NDUFAF2: variants seen among roughly 807,000 people sequenced by gnomAD.
NDUFAF2 encodes NADH dehydrogenase [ubiquinone] 1 alpha subcomplex assembly factor 2.
NDUFAF2 carries 13 observed loss-of-function variants against 22.8 expected under a neutral mutation model. That is an observed-to-expected ratio of 0.57 (90% CI 0.37 to 0.91). The LOEUF (loss-of-function observed/expected upper bound fraction) is 0.91, where lower values mean the gene tolerates loss of function less well. Ranked by LOEUF, NDUFAF2 falls within the 40% of genes least tolerant of loss-of-function variation. NDUFAF2 has a pLI of 0.01. For missense variants in NDUFAF2, 162 were observed against 195.2 expected, an observed-to-expected ratio of 0.83 and a Z score of 1.01; for synonymous variants, 53 against 64.2, an observed-to-expected ratio of 0.83 and a Z score of 0.84.
intron 2 of NDUFAF2, among the ~76,000 whole-genome samples, chr5:61,073,778 A>T (rs143803859): frequency 6.6e-6 from 1 of 152,334 alleles, no homozygotes; most frequent in Non-Finnish European, 1.5e-5. Context: ...AAACAGCAGC[A>T]GTTGGTCTCT....
At chr5:61,033,749 G>A (rs1477643834) in intron 1 of NDUFAF2, among the ~76,000 whole-genome samples, 1 of 151,948 alleles carries the variant, frequency 6.6e-6, no homozygotes, top group Non-Finnish European at 1.5e-5. Flanking sequence ...GTCCGAACAG[G>A]GATAAACCGA....
chr5:61,056,650 T>C (rs532156274), intron 1 of NDUFAF2, among the ~76,000 whole-genome samples: 1 of 151,760 alleles, frequency 6.6e-6, no homozygotes, highest in South Asian at 2.1e-4. Context: ...CACTTTGGGA[T>C]GCCAAAGCAA....
chr5:61,060,804 T>G (rs1752155768), intron 1 of NDUFAF2, among the ~76,000 whole-genome samples: 1 of 152,160 alleles, frequency 6.6e-6, no homozygotes, highest in Non-Finnish European at 1.5e-5. Context: ...TTATATATGC[T>G]TGTGGGTTAC....
At chr5:61,113,002 A>G (rs756810645) in intron 3 of NDUFAF2, among the ~76,000 whole-genome samples, 2 of 151,936 alleles carry the variant, frequency 1.3e-5, no homozygotes, top group Non-Finnish European at 2.9e-5. Context: ...CACTGATTGC[A>G]TAAACAAACA....
At chr5:60,968,822 G>A (rs1750791003) in intron 1 of NDUFAF2, among the ~76,000 whole-genome samples, 1 of 151,128 alleles carries the variant, frequency 6.6e-6, no homozygotes, top group East Asian at 1.9e-4. Flanking sequence ...TATTTTTTTT[G>A]TACCACTTAA....
intron 1 of NDUFAF2, among the ~76,000 whole-genome samples, chr5:61,055,961 T>C (rs1752081832): frequency 6.6e-6 from 1 of 152,162 alleles, no homozygotes; most frequent in African/African-American, 2.4e-5. Flanking sequence ...TACATAATGC[T>C]CAATAAATAT....
chr5:61,022,079 A>G (rs943559387), intron 1 of NDUFAF2, among the ~76,000 whole-genome samples: 1 of 152,188 alleles, frequency 6.6e-6, no homozygotes, highest in South Asian at 2.1e-4. Context: ...GCTTTACTCA[A>G]AGTCTACTAA....
intron 1 of NDUFAF2, among the ~76,000 whole-genome samples, chr5:60,984,267 A>G (rs1333059784): frequency 2.6e-5 from 4 of 152,292 alleles, no homozygotes; most frequent in Admixed American, 6.5e-5. Flanking sequence ...GACTTTGCTG[A>G]AGTTGCCTAT....
intron 1 of NDUFAF2, among the ~76,000 whole-genome samples, chr5:61,018,937 A>AAAAAATTGTTTCC (rs1381309834): frequency 6.6e-6 from 1 of 152,128 alleles, no homozygotes; most frequent in African/African-American, 2.4e-5. Flanking sequence ...GTTTCCAAAT[A>AAAAAATTGTTTCC]AAATATCAAT....
chr5:61,084,307 G>A (rs1281916663), intron 2 of NDUFAF2, among the ~76,000 whole-genome samples: 1 of 150,572 alleles, frequency 6.6e-6, no homozygotes, highest in Non-Finnish European at 1.5e-5. Context: ...TTTCATTGTG[G>A]TAAAGTATAC....
intron 1 of NDUFAF2, among the ~76,000 whole-genome samples, chr5:61,021,135 T>TG (rs1246614848): frequency 6.6e-6 from 1 of 152,142 alleles, no homozygotes; most frequent in Non-Finnish European, 1.5e-5. Context: ...CAGAAATTAC[T>TG]GCAAATTTAG....
At chr5:61,024,798 TA>T (rs1357912944) in intron 1 of NDUFAF2, among the ~76,000 whole-genome samples, 1 of 152,130 alleles carries the variant, frequency 6.6e-6, no homozygotes, top group Non-Finnish European at 1.5e-5. Flanking sequence ...TTTTATTATT[TA>T]AAAAATAAAT....
chr5:60,976,227 T>A (rs531715630), intron 1 of NDUFAF2, among the ~76,000 whole-genome samples: 13 of 152,148 alleles, frequency 8.5e-5, no homozygotes, highest in Admixed American at 2.6e-4. Context: ...TTTAAAAAAA[T>A]TTAATGGGAA....
chr5:61,145,618 C>T (rs2111830520), intron 3 of NDUFAF2, among the ~76,000 whole-genome samples: 1 of 152,218 alleles, frequency 6.6e-6, no homozygotes, highest in Non-Finnish European at 1.5e-5. Flanking sequence ...ACTTCTGTTC[C>T]TAAGCATTTC....
At chr5:61,076,611 C>A (rs11951504) in intron 2 of NDUFAF2, among the ~76,000 whole-genome samples, 2 of 152,066 alleles carry the variant, frequency 1.3e-5, no homozygotes, top group Admixed American at 6.5e-5. Context: ...GATTGTGAAT[C>A]TGGGGGGCCT....
chr5:61,026,531 G>T (rs1384455830), intron 1 of NDUFAF2, among the ~76,000 whole-genome samples: 12 of 151,982 alleles, frequency 7.9e-5, no homozygotes, highest in Non-Finnish European at 1.5e-4. Context: ...GTTAAAAAAG[G>T]TTGTATAGTA....
chr5:61,145,801 T>G (rs1741130011), intron 3 of NDUFAF2: 1 of 152,220 alleles, frequency 6.6e-6, no homozygotes. Flanking sequence ...TGCCTTTTTT[T>G]AATTTGTCAG....
At chr5:60,998,586 A>C (rs1185101814) in intron 1 of NDUFAF2, among the ~76,000 whole-genome samples, 3 of 152,126 alleles carry the variant, frequency 2.0e-5, no homozygotes, top group Non-Finnish European at 2.9e-5. Flanking sequence ...ATTAATGAAT[A>C]AACTATAAAA....
intron 2 of NDUFAF2, among the ~76,000 whole-genome samples, chr5:61,093,800 T>C (rs1343542383): frequency 6.6e-6 from 1 of 152,210 alleles, no homozygotes; most frequent in East Asian, 1.9e-4. Flanking sequence ...GAGGAGTCCC[T>C]CTTTTTTAAT....
Sources: gnomAD v4.1 joint callset for allele counts (sites outside exome capture counted in the v4.1 genomes callset) on GRCh38, gnomAD v4.1.1 for gene constraint, MANE v1.5 for transcripts, NCBI Gene and HGNC (gene_info 2026-07-23, HGNC 2026-07-21) for gene names.